SCN2A: variants seen among roughly 807,000 people sequenced by gnomAD.
SCN2A encodes sodium voltage-gated channel alpha subunit 2.
In SCN2A, 20 loss-of-function variants were observed where a neutral mutation model predicts 188.7. The observed-to-expected ratio is 0.11, with a 90% CI of 0.07 to 0.15. The LOEUF (loss-of-function observed/expected upper bound fraction) is 0.15, where lower values mean the gene tolerates loss of function less well. Among genes scored for constraint, SCN2A ranks in the 10% least tolerant of loss-of-function variants. SCN2A has a pLI of 1.00. For synonymous variants in SCN2A, 804 were observed against 833.1 expected (o/e 0.97, Z 0.60); for missense variants, 1,278 against 2,445.0 (o/e 0.52, Z 10.07).
chr2:165,278,500 G>A lies in SCN2A; in HGVS notation c.-51-17273G>A, dbSNP rs559719028. On this transcript the variant is annotated intron_variant, in intron 1 of 26. Transcript: ENST00000375437. ...ACTCATTATCACAAGAACAGCACTG[G>A]GGAAACCACCCCCATGGTTCAATTA... 3.9e-5 allele frequency among the ~76,000 whole-genome samples: 6 copies of A among 152,196 alleles called. No homozygotes were observed. The East Asian group carries it at 7.7e-4, about 20-fold the overall frequency.
At position 165,333,205 on chromosome 2, in the gene SCN2A, C is replaced by A. The variant is rs145324006; in HGVS notation, c.2388+1637C>A. Among the ~76,000 whole-genome samples the A allele has an allele frequency of 2.0e-3, 306 of 151,928 alleles. 2 individuals carry two copies. Among genetic ancestry groups the A allele is most frequent in the East Asian group, 0.016 (83 of 5,172 alleles). On this transcript the variant is annotated intron_variant, in intron 14 of 26. Coordinates refer to ENST00000375437, the MANE Select transcript of SCN2A (RefSeq NM_001040142.2). ...AATTATGAAGACAATAATTAGGATA[C>A]CATTACCAGAAGGAGGATGGATTCT... is the stretch of plus-strand genomic sequence containing the variant.
intron 1 of SCN2A, among the ~76,000 whole-genome samples, chr2:165,292,907 G>A (rs1005232538): frequency 6.6e-6 from 1 of 152,198 alleles, no homozygotes; most frequent in Non-Finnish European, 1.5e-5. Context: ...CAAGTGACTG[G>A]CACTTAGTAA....
At chr2:165,373,412 TGG>T in intron 21 of SCN2A, 65 bp downstream of exon 21, 1 of 1,577,156 alleles carries the variant, frequency 6.3e-7, no homozygotes, top group Admixed American at 1.7e-5. Flanking sequence ...CTTTGTACCA[TGG>T]AAATGTCAAA....
At chr2:165,258,828 G>A (rs1173526656) in intron 1 of SCN2A, among the ~76,000 whole-genome samples, 1 of 152,178 alleles carries the variant, frequency 6.6e-6, no homozygotes, top group African/African-American at 2.4e-5. Flanking sequence ...CAAACTAACT[G>A]AGGAACATAA....
chr2:165,299,219 G>A lies in SCN2A; in HGVS notation c.386+2084G>A, dbSNP rs79742825. Among the ~76,000 whole-genome samples the A allele has an allele frequency of 5.8e-3, 883 of 152,216 alleles. 20 individuals are homozygous for A. In the East Asian group the frequency reaches 0.089, roughly 15 times the overall value. ...AAGAAATTCTGATCAGAGAATATGA[G>A]TACTAAGGACACAGTTTGTGCCAGG... On this transcript the variant is annotated intron_variant, in intron 3 of 26. Transcript: ENST00000375437.
chr2:165,335,800 T>A (rs1416930723), intron 14 of SCN2A, among the ~76,000 whole-genome samples: 6 of 151,748 alleles, frequency 4.0e-5, no homozygotes, highest in Non-Finnish European at 8.9e-5. Context: ...TATCATCAAG[T>A]AAAAAGACAA....
chr2:165,379,519 A>T (rs1322967304), intron 23 of SCN2A, among the ~76,000 whole-genome samples: 1 of 151,750 alleles, frequency 6.6e-6, no homozygotes, highest in African/African-American at 2.4e-5. Context: ...CTGAAGTTGT[A>T]GCAATGTCCT....
rs111651485 is a variant in SCN2A at position 165,288,971 on chromosome 2, C to T, written c.-51-6802C>T. ...AAAAAACTACAATTGTAGAACAGAA[C>T]TTAAAAGGCCACTTCCAGAAAAAAA... On this transcript the variant is annotated intron_variant, in intron 1 of 26. Transcript: ENST00000375437. 2.0e-5 allele frequency among the ~76,000 whole-genome samples: 3 copies of T among 152,122 alleles called. 1 individual carries two copies. Among genetic ancestry groups the T allele is most frequent in the East Asian group, 1.9e-4 (1 of 5,188 alleles).
chr2:165,254,264 T>A (rs1251909100), intron 1 of SCN2A, among the ~76,000 whole-genome samples: 1 of 151,798 alleles, frequency 6.6e-6, no homozygotes, highest in Non-Finnish European at 1.5e-5. Flanking sequence ...AATATATTTT[T>A]AAGTACTGCA....
intron 1 of SCN2A, among the ~76,000 whole-genome samples, chr2:165,258,554 A>G (rs780584218): frequency 6.6e-6 from 1 of 152,204 alleles, no homozygotes; most frequent in Non-Finnish European, 1.5e-5. Flanking sequence ...AAGAAGAATA[A>G]CCATTCAACC....
intron 3 of SCN2A, among the ~76,000 whole-genome samples, chr2:165,297,968 G>T (rs1696597702): frequency 6.6e-6 from 1 of 152,156 alleles, no homozygotes; most frequent in Admixed American, 6.5e-5. Context: ...TTCTAGGCCA[G>T]AAACAAGTCT....
intron 1 of SCN2A, among the ~76,000 whole-genome samples, chr2:165,258,004 T>G (rs1389647987): frequency 6.6e-6 from 1 of 152,190 alleles, no homozygotes; most frequent in Non-Finnish European, 1.5e-5. Flanking sequence ...TTGTTGTTGT[T>G]GTTTTTGTTT....
intron 25 of SCN2A, among the ~76,000 whole-genome samples, chr2:165,384,672 A>G (rs1701775558): frequency 6.6e-6 from 1 of 152,134 alleles, no homozygotes; most frequent in African/African-American, 2.4e-5. Context: ...GGGAAAGAAA[A>G]CTAAAATTGA....
At chr2:165,355,247 TA>T (rs1700121626) in intron 17 of SCN2A, among the ~76,000 whole-genome samples, 1 of 152,162 alleles carries the variant, frequency 6.6e-6, no homozygotes, top group South Asian at 2.1e-4. Flanking sequence ...GGAATCACAC[TA>T]AAAACATATT....
At chr2:165,297,622 G>A (rs146082312) in intron 3 of SCN2A, among the ~76,000 whole-genome samples, 6 of 152,252 alleles carry the variant, frequency 3.9e-5, no homozygotes, top group African/African-American at 7.2e-5. Flanking sequence ...GTTAGTAAGC[G>A]TTTACAATTG....
chr2:165,315,386 A>G, intron 10 of SCN2A, 85 bp from the exon 11 acceptor site: 2 of 1,584,050 alleles, frequency 1.3e-6, no homozygotes, highest in Non-Finnish European at 8.6e-7. Context: ...GATTATCTTC[A>G]TGATATTGAA....
chr2:165,363,340 C>T (rs1574686712), intron 17 of SCN2A, among the ~76,000 whole-genome samples: 2 of 152,176 alleles, frequency 1.3e-5, no homozygotes, highest in East Asian at 1.9e-4. Context: ...TTACCCCGTT[C>T]TGTGTTTACA....
At chr2:165,343,188 T>C (rs946189603) in intron 15 of SCN2A, among the ~76,000 whole-genome samples, 3 of 152,198 alleles carry the variant, frequency 2.0e-5, no homozygotes, top group Non-Finnish European at 4.4e-5. Flanking sequence ...TAACAGAGGC[T>C]GTACACGGTT....
chr2:165,369,046 C>T (rs1700882240), intron 19 of SCN2A, among the ~76,000 whole-genome samples: 1 of 152,032 alleles, frequency 6.6e-6, no homozygotes, highest in Admixed American at 6.6e-5. Flanking sequence ...GTGCCTTAAC[C>T]TCGCAAGTAG....
Sources: gnomAD v4.1 joint callset for allele counts (sites outside exome capture counted in the v4.1 genomes callset) on GRCh38, gnomAD v4.1.1 for gene constraint, MANE v1.5 for transcripts, NCBI Gene and HGNC (gene_info 2026-07-23, HGNC 2026-07-21) for gene names.